Variants in ACVR1 observed in about 807,000 individuals in gnomAD.
The protein encoded by ACVR1 is activin receptor type-1.
In ACVR1, 38 loss-of-function variants were observed where a neutral mutation model predicts 57.1. The ratio of observed to expected loss-of-function variants is 0.67; its 90% CI spans 0.51 to 0.87. The LOEUF is 0.87. Ranked by LOEUF, ACVR1 falls within the 40% of genes least tolerant of loss-of-function variation. The probability of loss-of-function intolerance (pLI) is 0.00; values close to 1 mark genes in which losing one functional copy is unlikely to be tolerated. For synonymous variants in ACVR1, 212 were observed against 228.1 expected (o/e 0.93, Z 0.63); for missense variants, 463 against 638.2 (o/e 0.73, Z 2.96).
chr2:157,794,147 G>A (rs1687022773), intron 3 of ACVR1, among the ~76,000 whole-genome samples: 1 of 152,188 alleles, frequency 6.6e-6, no homozygotes. Flanking sequence ...CTGCAAATGT[G>A]TACAGGGACA....
intron 1 of ACVR1, among the ~76,000 whole-genome samples, chr2:157,851,864 C>A (rs923079894): frequency 3.1e-4 from 1 of 3,190 alleles, no homozygotes; most frequent in Non-Finnish European, 2.8e-3. Flanking sequence ...GAAACACACA[C>A]ACACACACAC....
Position 157,766,030 on chromosome 2 carries a change from C to A in ACVR1, c.957G>T (p.Leu319Phe). ...VLSIASGLAH[L>F]HIEIFGTQGK... ...CTTGGGTCCCAAATATCTCTATGTG[C>A]AAATGTGCAAGACCACTAGCTATGG... The change falls in exon 8 of 11, where the codon TTG becomes TTT. Residue 319 changes from leucine to phenylalanine, a missense_variant. By Grantham distance (22) the Leu-to-Phe change is conservative. Around this residue, in one of 3 missense-constraint regions of ACVR1, gnomAD observed 114 missense variants for 216.2 expected, o/e 0.53. Transcript: ENST00000434821. 1 of 1,614,104 alleles carries A rather than the reference C, an allele frequency of 6.2e-7. No homozygotes were observed. The highest frequency in any genetic ancestry group is 8.5e-7 in the Non-Finnish European group (1 of 1,179,998).
chr2:157,770,261 T>C (rs1574042879), intron 7 of ACVR1, 107 bp downstream of exon 7: 1 of 1,295,260 alleles, frequency 7.7e-7, no homozygotes, highest in East Asian at 2.3e-5. Flanking sequence ...CCTATATTGC[T>C]TTTTAGGAGA....
chr2:157,862,869 C>CAAAAAAAAAAAAAAAAAAAAAA (rs1158581005), intron 1 of ACVR1, among the ~76,000 whole-genome samples: 1 of 141,616 alleles, frequency 7.1e-6, no homozygotes, highest in African/African-American at 2.9e-5. Flanking sequence ...GACTCCGTCT[C>CAAAAAAAAAAAAAAAAAAAAAA]AAAAAAAAAA....
chr2:157,816,999 GC>G (rs1687963114), intron 2 of ACVR1, among the ~76,000 whole-genome samples: 1 of 150,094 alleles, frequency 6.7e-6, no homozygotes, highest in South Asian at 2.1e-4. Context: ...TTGTTCTGTT[GC>G]CCAGTCTGGG....
chr2:157,742,630 G>A (rs545267074), intron 9 of ACVR1, among the ~76,000 whole-genome samples: 1 of 151,988 alleles, frequency 6.6e-6, no homozygotes, highest in Non-Finnish European at 1.5e-5. Context: ...TTGCTATATG[G>A]CTCTGAGTAA....
chr2:157,868,440 G>A (rs1467024591), intron 1 of ACVR1, among the ~76,000 whole-genome samples: 5 of 150,612 alleles, frequency 3.3e-5, no homozygotes, highest in South Asian at 2.1e-4. Context: ...AGCCGAGATC[G>A]CGCCACGGCA....
intron 9 of ACVR1, among the ~76,000 whole-genome samples, chr2:157,738,909 T>A (rs1362206191): frequency 1.3e-5 from 2 of 152,198 alleles, no homozygotes; most frequent in African/African-American, 4.8e-5. Flanking sequence ...GAACAAAAAT[T>A]CCTTTGGTGA....
intron 9 of ACVR1, among the ~76,000 whole-genome samples, chr2:157,742,147 T>C (rs1684799733): frequency 6.6e-6 from 1 of 152,134 alleles, no homozygotes. Flanking sequence ...AGGAAATGAC[T>C]GATTTACAAC....
Position 157,780,469 on chromosome 2 carries a change from G to A in ACVR1, c.199C>T (p.Gln67Ter). 1.2e-6 allele frequency: 2 copies of A among 1,614,106 alleles called. No individual in the cohort carries two copies. The highest frequency in any genetic ancestry group is 1.7e-6 in the Non-Finnish European group (2 of 1,180,014). Reference protein sequence around the residue: ...LSINDGFHVYQKGCFQVYEQG... With the variant: ...LSINDGFHVY ...TCATAAACCTGGAAGCAGCCTTTCT[G>A]GTAGACGTGGAAGCCATCGTTGATG... Residue 67 changes from glutamine to a stop codon, truncating the protein, a stop_gained, in exon 4 of 11, where the codon CAG becomes TAG. Transcript: ENST00000434821. LOFTEE classifies it high-confidence loss of function.
chr2:157,842,897 G>C (rs545084526), intron 1 of ACVR1, among the ~76,000 whole-genome samples: 87 of 152,226 alleles, frequency 5.7e-4, no homozygotes, highest in Admixed American at 1.8e-3. Context: ...GCAGTGTACA[G>C]ATTCCAGGTT....
chr2:157,855,361 G>T (rs994764054), intron 1 of ACVR1, among the ~76,000 whole-genome samples: 1 of 143,256 alleles, frequency 7.0e-6, no homozygotes, highest in African/African-American at 2.6e-5. Flanking sequence ...TTAGCCGGAC[G>T]TGGTGGCTTT....
At chr2:157,853,053 A>G (rs57036017) in intron 1 of ACVR1, among the ~76,000 whole-genome samples, 10,518 of 152,284 alleles carry the variant, frequency 0.069, 525 homozygotes, top group African/African-American at 0.14. Flanking sequence ...GTTCAGTTAA[A>G]TAACGACTTG....
At chr2:157,796,441 C>A (rs1687127688) in intron 3 of ACVR1, among the ~76,000 whole-genome samples, 1 of 151,972 alleles carries the variant, frequency 6.6e-6, no homozygotes. Context: ...GTGGTCCCAG[C>A]TACTCAGGAG....
chr2:157,863,336 CTTTTTTTTTTTT>C (rs1161335923), intron 1 of ACVR1, among the ~76,000 whole-genome samples: 159 of 35,684 alleles, frequency 4.5e-3, no homozygotes, highest in South Asian at 7.7e-3. Context: ...AATTGTTTCT[CTTTTTTTTTTTT>C]TTTTTTTTTT....
chr2:157,787,824 C>T (rs577045454), intron 3 of ACVR1, among the ~76,000 whole-genome samples: 1 of 152,242 alleles, frequency 6.6e-6, no homozygotes, highest in African/African-American at 2.4e-5. Flanking sequence ...TGAGATAGAA[C>T]AGTGGAGAAA....
intron 3 of ACVR1, among the ~76,000 whole-genome samples, chr2:157,798,170 TG>T (rs2105304513): frequency 6.6e-6 from 1 of 152,206 alleles, no homozygotes; most frequent in African/African-American, 2.4e-5. Context: ...TTTGTAGAAT[TG>T]AAACCAGCAC....
intron 3 of ACVR1, among the ~76,000 whole-genome samples, chr2:157,788,153 C>T (rs72999423): frequency 0.022 from 3,361 of 152,282 alleles, 119 homozygotes; most frequent in African/African-American, 0.076. Context: ...CCTAGCTCCA[C>T]AACCTATCCT....
At chr2:157,768,802 T>C (rs1175778875) in intron 7 of ACVR1, among the ~76,000 whole-genome samples, 2 of 152,212 alleles carry the variant, frequency 1.3e-5, no homozygotes, top group Non-Finnish European at 2.9e-5. Flanking sequence ...TACCTCAACA[T>C]TTAAAACTGG....
Sources: allele counts gnomAD v4.1 joint callset (sites outside exome capture counted in the v4.1 genomes callset), GRCh38; gene constraint gnomAD v4.1.1; regional missense constraint gnomAD v4.1.1; transcripts MANE v1.5; gene names NCBI Gene and HGNC (gene_info 2026-07-23, HGNC 2026-07-21).